The following SMAD3 variants were observed in gnomAD, a reference collection of about 807,000 sequenced individuals.
SMAD3 encodes the protein MAD homolog 3.
A neutral mutation model predicts 51.8 loss-of-function variants in SMAD3; 12 were observed. The ratio of observed to expected loss-of-function variants is 0.23; its 90% confidence interval spans 0.15 to 0.38. The LOEUF is 0.38. Among genes scored for constraint, SMAD3 ranks in the 10% least tolerant of loss-of-function variants. The pLI is 1.00. For missense variants in SMAD3, 294 were observed against 565.6 expected, an observed-to-expected ratio of 0.52 and a Z score of 4.87; for synonymous variants, 238 against 227.7, an observed-to-expected ratio of 1.05 and a Z score of -0.41.
rs763595789 is a variant in SMAD3, at chr15:67,113,076, G to GTGTATATATATATATA, written c.206+46717_206+46718insGTATATATATATATAT. On this transcript the variant is annotated intron_variant, in intron 1 of 8. Coordinates refer to ENST00000327367, the MANE Select transcript of SMAD3 (RefSeq NM_005902.4). ...CAACTTTTAAAATATATATATATGTGTATATATATATATATATATTTTTTT... is the reference window on the plus strand; with the variant it reads ...CAACTTTTAAAATATATATATATGTGTGTATATATATATATATATATATATATATATATATTTTTTT... 4.3e-4 allele frequency among the ~76,000 whole-genome samples: 15 copies of GTGTATATATATATATA among 34,986 alleles called. 1 individual carries two copies. Among genetic ancestry groups the GTGTATATATATATATA allele is most frequent in the South Asian group, 1.5e-3 (1 of 660 alleles). The allele number at this position is 34,986 out of a possible 152,430, so 23.0% of individuals were successfully genotyped here.
intron 1 of SMAD3, among the ~76,000 whole-genome samples, chr15:67,112,064 G>A (rs953587183): frequency 4.6e-5 from 7 of 151,586 alleles, no homozygotes; most frequent in East Asian, 1.9e-4. Context: ...TTGGGATTAC[G>A]GGCATAGCCA....
chr15:67,156,217 TAGC>T (rs758393987), intron 1 of SMAD3, among the ~76,000 whole-genome samples: 2 of 152,292 alleles, frequency 1.3e-5, no homozygotes, highest in South Asian at 2.1e-4. Flanking sequence ...CCATTAAACA[TAGC>T]AGATGGGAAA....
At chr15:67,106,782 C>T (rs1189758256) in intron 1 of SMAD3, among the ~76,000 whole-genome samples, 2 of 152,204 alleles carry the variant, frequency 1.3e-5, no homozygotes, top group Non-Finnish European at 2.9e-5. Context: ...TTCCTGGCTT[C>T]ACTCTCTGGC....
rs937521287 is a variant in SMAD3, at chr15:67,168,137, T to C, written c.607+1284T>C. Among the ~76,000 whole-genome samples, 5 of 152,348 alleles carry C rather than the reference T, an allele frequency of 3.3e-5. No homozygotes were observed. The East Asian group carries it at 7.7e-4, about 23-fold the overall frequency. On this transcript the variant is annotated intron_variant, in intron 4 of 8. Coordinates refer to ENST00000327367, the MANE Select transcript of SMAD3 (RefSeq NM_005902.4). Reference sequence around the variant, plus strand: ...GCCCGGCTCATTTGTGTATTTTTAGTAGAGACAGGGTTTCGCCATGTTGGC... The same window carrying C: ...GCCCGGCTCATTTGTGTATTTTTAGCAGAGACAGGGTTTCGCCATGTTGGC...
intron 1 of SMAD3, among the ~76,000 whole-genome samples, chr15:67,162,629 C>T (rs918794758): frequency 1.5e-4 from 23 of 152,162 alleles, no homozygotes; most frequent in African/African-American, 5.3e-4. Context: ...CCTCCCCGGC[C>T]TCGTCTCAAG....
At chr15:67,126,063 C>T (rs1961378953) in intron 1 of SMAD3, 8 of 674,560 alleles carry the variant, frequency 1.2e-5, no homozygotes, top group Non-Finnish European at 1.3e-5. Context: ...ATGCTCGACA[C>T]ACACTCCCTG....
chr15:67,086,081 C>A, intron 1 of SMAD3, among the ~76,000 whole-genome samples: 1 of 148,008 alleles, frequency 6.8e-6, no homozygotes. Flanking sequence ...CAGAAACTCA[C>A]AGTACAAAGT....
intron 3 of SMAD3, chr15:67,166,503 A>G (rs1219388567): frequency 3.7e-6 from 2 of 538,158 alleles, no homozygotes; most frequent in African/African-American, 1.9e-5. Context: ...GGACCAGGAT[A>G]AGTTAGCCTG....
intron 1 of SMAD3, among the ~76,000 whole-genome samples, chr15:67,144,537 C>G (rs1415881793): frequency 6.6e-6 from 1 of 152,150 alleles, no homozygotes; most frequent in Non-Finnish European, 1.5e-5. Context: ...AGTGATTTAA[C>G]TATATAAATA....
intron 1 of SMAD3, among the ~76,000 whole-genome samples, chr15:67,157,884 A>G (rs571157761): frequency 8.9e-4 from 136 of 152,312 alleles, no homozygotes; most frequent in African/African-American, 3.2e-3. Flanking sequence ...TTGTTCTGCT[A>G]GGGAAGAATA....
chr15:67,187,350 CTG>C lies in SMAD3; in HGVS notation c.1010-11_1010-10del. On this transcript the variant is annotated splice_polypyrimidine_tract_variant and intron_variant, in intron 7 of 8. Coordinates refer to ENST00000327367, the MANE Select transcript of SMAD3 (RefSeq NM_005902.4). ...CACTTCCATCCCCACAGCCCTGTTT[CTG>C]TGTTTTTGGCAGGATGCAACCTGAA... The C allele has an allele frequency of 6.2e-7, 1 of 1,614,168 alleles. No individual in the cohort carries two copies. The highest frequency in any genetic ancestry group is 8.5e-7 in the Non-Finnish European group (1 of 1,180,026).
chr15:67,066,985 C>T (rs1042598707), intron 1 of SMAD3, among the ~76,000 whole-genome samples: 1 of 152,182 alleles, frequency 6.6e-6, no homozygotes, highest in African/African-American at 2.4e-5. Context: ...TGAGCATGCA[C>T]GCACTTTGGT....
At chr15:67,095,895 G>A (rs192042882) in intron 1 of SMAD3, among the ~76,000 whole-genome samples, 25 of 152,328 alleles carry the variant, frequency 1.6e-4, no homozygotes, top group African/African-American at 5.8e-4. Context: ...CATGGATAGA[G>A]GAGATGTGGG....
chr15:67,170,665 C>T (rs1962725376), intron 5 of SMAD3, 61 bp downstream of exon 5: 1 of 1,478,014 alleles, frequency 6.8e-7, no homozygotes, highest in Non-Finnish European at 9.5e-7. Flanking sequence ...GGCGAGTCGC[C>T]AGTGTGGGGA....
chr15:67,101,112 G>T (rs1227751719), intron 1 of SMAD3, among the ~76,000 whole-genome samples: 1 of 152,168 alleles, frequency 6.6e-6, no homozygotes, highest in Non-Finnish European at 1.5e-5. Flanking sequence ...TGTCCTTGTG[G>T]ATGTGTCTAG....
intron 1 of SMAD3, among the ~76,000 whole-genome samples, chr15:67,129,327 A>G (rs1216129131): frequency 2.0e-5 from 3 of 152,196 alleles, no homozygotes; most frequent in African/African-American, 4.8e-5. Flanking sequence ...GCTACAGTGT[A>G]TGGTAGCCCC....
intron 1 of SMAD3, among the ~76,000 whole-genome samples, chr15:67,164,595 C>T (rs747985170): frequency 7.9e-5 from 12 of 152,316 alleles, no homozygotes; most frequent in African/African-American, 1.2e-4. Context: ...GACTGAAGTG[C>T]GGGCCCTTCC....
intron 1 of SMAD3, among the ~76,000 whole-genome samples, chr15:67,070,334 G>A (rs1434558684): frequency 6.6e-6 from 1 of 152,108 alleles, no homozygotes; most frequent in Non-Finnish European, 1.5e-5. Flanking sequence ...GCTGATGAGG[G>A]ATCTGACTCA....
At position 67,193,434 on chromosome 15, in the gene SMAD3, C is replaced by T. The variant is rs1963416290; in HGVS notation, c.*2898C>T. 1 of 233,820 alleles carries T rather than the reference C, an allele frequency of 4.3e-6. No homozygotes were observed. Among genetic ancestry groups the T allele is most frequent in the Non-Finnish European group, 8.5e-6 (1 of 118,106 alleles). 14.5% of individuals were successfully genotyped at this position (233,820 alleles called of 1,614,324 possible). On this transcript the variant is annotated 3_prime_UTR_variant, in exon 9 of 9. Coordinates refer to ENST00000327367, the MANE Select transcript of SMAD3 (RefSeq NM_005902.4). ...CAACTTTTATTCCCTTTCCTCTCTC[C>T]CCTCCCCACCTCGCTTCTTCCCAAT... is the stretch of plus-strand genomic sequence containing the variant.
Sources: gnomAD v4.1 joint callset for allele counts (sites outside exome capture counted in the v4.1 genomes callset) on GRCh38, gnomAD v4.1.1 for gene constraint, MANE v1.5 for transcripts, NCBI Gene and HGNC (gene_info 2026-07-23, HGNC 2026-07-21) for gene names.